Variants in STAC observed in about 807,000 individuals in gnomAD.
STAC encodes the protein SH3 and cysteine rich domain.
In STAC, 43 loss-of-function variants were observed where a neutral mutation model predicts 48.8. That is an observed-to-expected ratio of 0.88 (90% confidence interval 0.69 to 1.14). STAC has a LOEUF of 1.14. STAC is among the 50% of genes most tolerant of loss of function. The pLI is 0.00. For missense variants in STAC, 497 were observed against 504.0 expected (o/e 0.99, Z 0.13); for synonymous variants, 193 against 179.5 (o/e 1.07, Z -0.60).
At chr3:36,543,623 A>G (rs1000415139) in intron 10 of STAC, among the ~76,000 whole-genome samples, 5 of 152,238 alleles carry the variant, frequency 3.3e-5, no homozygotes, top group African/African-American at 7.2e-5. Flanking sequence ...GCAAAGGTCT[A>G]TCTTATATAT....
intron 2 of STAC, among the ~76,000 whole-genome samples, chr3:36,480,824 G>GA (rs143600037): frequency 0.031 from 4,732 of 152,270 alleles, 223 homozygotes; most frequent in African/African-American, 0.11. Context: ...GAGTGACCAT[G>GA]AAAAATGTTT....
At chr3:36,415,753 G>C (rs1368511763) in intron 1 of STAC, among the ~76,000 whole-genome samples, 1 of 152,120 alleles carries the variant, frequency 6.6e-6, no homozygotes, top group Non-Finnish European at 1.5e-5. Flanking sequence ...TGGCCATCTT[G>C]GAACCGCCCT....
intron 8 of STAC, among the ~76,000 whole-genome samples, chr3:36,520,088 C>T (rs907181651): frequency 6.6e-6 from 1 of 152,024 alleles, no homozygotes; most frequent in African/African-American, 2.4e-5. Context: ...TGTTTTTTGC[C>T]CATTTCAAAG....
chr3:36,389,338 C>T (rs948367525), intron 1 of STAC, among the ~76,000 whole-genome samples: 2 of 152,090 alleles, frequency 1.3e-5, no homozygotes, highest in Admixed American at 6.6e-5. Flanking sequence ...AATCCTGTAG[C>T]TGTGTTGTCT....
At chr3:36,392,704 A>T (rs1433760857) in intron 1 of STAC, among the ~76,000 whole-genome samples, 1 of 151,904 alleles carries the variant, frequency 6.6e-6, no homozygotes. Context: ...TTTTTCCTTC[A>T]TCATGCCTGG....
At chr3:36,489,388 G>A (rs1697905817) in intron 5 of STAC, among the ~76,000 whole-genome samples, 1 of 152,114 alleles carries the variant, frequency 6.6e-6, no homozygotes. Context: ...TAAGCTCTGG[G>A]CACAGTTTGC....
intron 2 of STAC, among the ~76,000 whole-genome samples, chr3:36,444,822 C>T (rs1696462457): frequency 6.6e-6 from 1 of 152,174 alleles, no homozygotes; most frequent in South Asian, 2.1e-4. Flanking sequence ...TTGGCGCTCC[C>T]ACCCTTCTAC....
At chr3:36,384,685 G>A (rs1260354616) in intron 1 of STAC, among the ~76,000 whole-genome samples, 1 of 152,032 alleles carries the variant, frequency 6.6e-6, no homozygotes, top group Non-Finnish European at 1.5e-5. Context: ...GCATCCCCAA[G>A]AAGATAAGAC....
At chr3:36,489,201 A>G (rs75062887) in intron 5 of STAC, among the ~76,000 whole-genome samples, 2,660 of 152,270 alleles carry the variant, frequency 0.017, 22 homozygotes, top group Non-Finnish European at 0.021. Context: ...CTGAGTATCT[A>G]GTGAGTATCT....
rs141347973 is a variant in STAC, at chr3:36,438,751, A to G, written c.112-4613A>G. On this transcript the variant is annotated intron_variant, in intron 1 of 10. Coordinates refer to ENST00000273183, the MANE Select transcript of STAC (RefSeq NM_003149.3). ...TCATACATAAACTTCCAGGGAACAC[A>G]GAACACCACACCACATATGACGAAG... Among the ~76,000 whole-genome samples the G allele has an allele frequency of 2.8e-3, 430 of 152,302 alleles. 1 individual carries two copies. The highest frequency in any genetic ancestry group is 4.0e-3 in the Non-Finnish European group (270 of 68,024).
chr3:36,507,502 G>T (rs148597384), intron 8 of STAC, among the ~76,000 whole-genome samples: 2 of 152,098 alleles, frequency 1.3e-5, no homozygotes, highest in Admixed American at 6.6e-5. Flanking sequence ...GTACCAGCTA[G>T]TCTTTGTACC....
intron 2 of STAC, among the ~76,000 whole-genome samples, chr3:36,457,049 T>C (rs921950060): frequency 7.2e-5 from 11 of 152,232 alleles, no homozygotes; most frequent in African/African-American, 2.7e-4. Context: ...TCATGCTGCC[T>C]AGTTTGACTT....
chr3:36,403,767 CTG>C (rs1700041923), intron 1 of STAC, among the ~76,000 whole-genome samples: 1 of 151,962 alleles, frequency 6.6e-6, no homozygotes, highest in African/African-American at 2.4e-5. Context: ...GGGCATCAAA[CTG>C]AGAGTAAAAG....
At chr3:36,397,379 G>A (rs1274755950) in intron 1 of STAC, among the ~76,000 whole-genome samples, 2 of 152,058 alleles carry the variant, frequency 1.3e-5, no homozygotes, top group Non-Finnish European at 2.9e-5. Flanking sequence ...AATTAACATT[G>A]AAGAAATAAA....
At chr3:36,529,962 A>T (rs186640503) in intron 10 of STAC, among the ~76,000 whole-genome samples, 161 of 152,258 alleles carry the variant, frequency 1.1e-3, no homozygotes, top group Middle Eastern at 0.01. Context: ...TCTACTAAAA[A>T]TACAAAAATT....
At chr3:36,471,125 G>A (rs540526076) in intron 2 of STAC, among the ~76,000 whole-genome samples, 1 of 152,268 alleles carries the variant, frequency 6.6e-6, no homozygotes, top group Non-Finnish European at 1.5e-5. Flanking sequence ...CATGGCTGGG[G>A]AAGCCTCAGA....
chr3:36,458,119 C>T (rs932197112), intron 2 of STAC, among the ~76,000 whole-genome samples: 2 of 151,910 alleles, frequency 1.3e-5, no homozygotes. Flanking sequence ...TTTAAAGGGT[C>T]CTTTCTGCTT....
intron 8 of STAC, among the ~76,000 whole-genome samples, chr3:36,528,461 C>G (rs1457732832): frequency 7.0e-6 from 1 of 142,254 alleles, no homozygotes; most frequent in African/African-American, 2.7e-5. Context: ...GAGCGAGACT[C>G]TGTTTAAAAA....
At chr3:36,450,093 T>C (rs777413694) in intron 2 of STAC, among the ~76,000 whole-genome samples, 2 of 152,224 alleles carry the variant, frequency 1.3e-5, no homozygotes, top group Non-Finnish European at 2.9e-5. Context: ...TGATCACTTA[T>C]TTTCTCTGAA....
Sources: allele counts gnomAD v4.1 joint callset (sites outside exome capture counted in the v4.1 genomes callset), GRCh38; gene constraint gnomAD v4.1.1; transcripts MANE v1.5; gene names NCBI Gene and HGNC (gene_info 2026-07-23, HGNC 2026-07-21).